The following EIF4G1 variants were observed in gnomAD, a reference collection of about 807,000 sequenced individuals.
The protein encoded by EIF4G1 is EIF4-gamma.
EIF4G1 carries 4 observed loss-of-function variants against 187.8 expected under a neutral mutation model. The observed-to-expected ratio is 0.02, with a 90% CI of 0.01 to 0.05. The LOEUF is 0.05. Ranked by LOEUF, EIF4G1 falls within the 10% of genes least tolerant of loss-of-function variation. The pLI, the probability that EIF4G1 is intolerant of heterozygous loss-of-function variation, is 1.00. For missense variants in EIF4G1, 1,647 were observed against 2,081.1 expected, an observed-to-expected ratio of 0.79 and a Z score of 4.06; for synonymous variants, 844 against 781.4, an observed-to-expected ratio of 1.08 and a Z score of -1.34.
intron 1 of EIF4G1, 143 bp from the exon 2 acceptor site, chr3:184,315,346 G>T: frequency 3.9e-6 from 2 of 519,032 alleles, no homozygotes; most frequent in Non-Finnish European, 7.7e-6. Context: ...GGTGTCCCCG[G>T]GTGGGGGGTG....
At chr3:184,330,945 G>A (rs907521189) in intron 28 of EIF4G1, among the ~76,000 whole-genome samples, 1 of 152,038 alleles carries the variant, frequency 6.6e-6, no homozygotes, top group Non-Finnish European at 1.5e-5. Context: ...TCACCATGTT[G>A]GTCAGGCTGG....
At chr3:184,324,782 A>G in intron 17 of EIF4G1, 96 bp from the exon 18 acceptor site, 4 of 1,361,956 alleles carry the variant, frequency 2.9e-6, no homozygotes, top group Non-Finnish European at 4.1e-6. Context: ...CTCAGGACTG[A>G]GTGCTTATTG....
At position 184,326,547 on chromosome 3, in the gene EIF4G1, C is replaced by T; in HGVS notation, c.3243C>T (p.Asn1081=). The change falls in exon 22 of 33, where the codon AAC becomes AAT. Residue 1081 remains asparagine, a synonymous_variant. Transcript: ENST00000346169. The part of the protein sequence containing the change: ...KITKPGSIDS[N]NQLFAPGGRL... ...TTCAGCCTGGCTCCATCGATTCTAACAACCAGCTCTTTGCACCTGGAGGGC... is the reference window on the plus strand; with the variant it reads ...TTCAGCCTGGCTCCATCGATTCTAATAACCAGCTCTTTGCACCTGGAGGGC... 6.2e-7 allele frequency: 1 copy of T among 1,613,882 alleles called. No homozygotes were observed. Among genetic ancestry groups the T allele is most frequent in the Non-Finnish European group, 8.5e-7 (1 of 1,180,042 alleles).
rs376246503 is a variant in EIF4G1 at position 184,320,624 on chromosome 3, C to T, written c.538-6C>T. 15 of 1,613,922 alleles carry T rather than the reference C, an allele frequency of 9.3e-6. No individual in the cohort carries two copies. The highest frequency in any genetic ancestry group is 1.3e-5 in the Non-Finnish European group (15 of 1,179,992). On this transcript the variant is annotated splice_polypyrimidine_tract_variant and splice_region_variant and intron_variant, in intron 7 of 32. Coordinates refer to ENST00000346169, the MANE Select transcript of EIF4G1 (RefSeq NM_198241.3). Reference sequence around the variant, plus strand: ...TCCCACTCATCTTATAGCTTTCTTTCCCCAGATCCGAATTCGAGATCCAAA... The same window carrying T: ...TCCCACTCATCTTATAGCTTTCTTTTCCCAGATCCGAATTCGAGATCCAAA...
In EIF4G1 at chr3:184,315,652, G is replaced by C. The variant is rs1722638759; in HGVS notation, c.-35+107G>C. 9.8e-6 allele frequency: 8 copies of C among 814,770 alleles called. No individual in the cohort carries two copies. The South Asian group carries it at 1.1e-4, about 12-fold the overall frequency. 50.5% of individuals were successfully genotyped at this position (814,770 alleles called of 1,614,324 possible). On this transcript the variant is annotated intron_variant, in intron 2 of 32. Transcript: ENST00000346169. ...GTATCTTTTCTGCTTCACCCTCTTG[G>C]CATCTCTGGGACTCCGTATGGGACC...
intron 32 of EIF4G1, 26 bp downstream of exon 32, chr3:184,332,112 G>A (rs746593221): frequency 5.3e-5 from 85 of 1,614,032 alleles, no homozygotes; most frequent in Non-Finnish European, 7.1e-5. Flanking sequence ...TGGGGACAGG[G>A]GTGGGGTGGA....
Position 184,327,838 on chromosome 3 carries a change from C to A in EIF4G1, c.3789C>A (p.Val1263=). 6.2e-7 allele frequency: 1 copy of A among 1,614,020 alleles called. No homozygotes were observed. The highest frequency in any genetic ancestry group is 8.5e-7 in the Non-Finnish European group (1 of 1,180,028). ...YLHLNDMKEA[V]QCVQELASPS... is the part of the protein sequence containing the mutation. ...TGCCCTGCACCCCTCAGGAGGCAGT[C>A]CAGTGCGTGCAGGAGCTGGCCTCAC... The change falls in exon 26 of 33, where the codon GTC becomes GTA. Residue 1263 remains valine, a synonymous_variant. Transcript: ENST00000346169.
intron 3 of EIF4G1, 102 bp from the exon 4 acceptor site, chr3:184,316,030 G>A: frequency 6.4e-7 from 1 of 1,560,032 alleles, no homozygotes; most frequent in Non-Finnish European, 8.7e-7. Context: ...TATGTGGATT[G>A]TTAAGGCTCT....
intron 17 of EIF4G1, 26 bp downstream of exon 17, chr3:184,324,373 C>T (rs563471543): frequency 3.7e-6 from 6 of 1,614,098 alleles, no homozygotes; most frequent in South Asian, 1.1e-5. Flanking sequence ...CTATCGATTC[C>T]ACTCACCACT....
At position 184,321,897 on chromosome 3, in the gene EIF4G1, C is replaced by T. The variant is rs1321594118; in HGVS notation, c.1313C>T (p.Pro438Leu). 6.2e-7 allele frequency: 1 copy of T among 1,614,196 alleles called. No individual in the cohort carries two copies. The highest frequency in any genetic ancestry group is 2.2e-5 in the East Asian group (1 of 44,874). ...VTASMAPPTIPSATPATAPSA... is the reference protein window; with the variant it reads ...VTASMAPPTILSATPATAPSA... ...GCATCAATGGCGCCCCCCACCATCC[C>T]CTCTGCTACTCCAGCTACGGCTCCT... Residue 438 changes from proline to leucine, a missense_variant, in exon 10 of 33, where the codon CCC becomes CTC. Physicochemically the swap from Pro to Leu is moderately conservative, Grantham distance 98. Transcript: ENST00000346169.
chr3:184,327,064 T>G (rs1725068743), intron 23 of EIF4G1, 81 bp downstream of exon 23: 2 of 1,590,774 alleles, frequency 1.3e-6, no homozygotes, highest in Non-Finnish European at 1.7e-6. Flanking sequence ...GTTGGAAATT[T>G]CTTCATACCT....
chr3:184,331,438 C>T, intron 29 of EIF4G1, 34 bp from the exon 30 acceptor site: 1 of 1,614,164 alleles, frequency 6.2e-7, no homozygotes, highest in Non-Finnish European at 8.5e-7. Context: ...TGTTGGCAAC[C>T]TTACCTCTTA....
At chr3:184,330,401 G>A (rs1267364312) in intron 28 of EIF4G1, among the ~76,000 whole-genome samples, 4 of 151,906 alleles carry the variant, frequency 2.6e-5, no homozygotes, top group Non-Finnish European at 5.9e-5. Flanking sequence ...GATATATATC[G>A]GCTGTAAGAC....
At position 184,317,311 on chromosome 3, in the gene EIF4G1, C is replaced by T; in HGVS notation, c.148-10C>T. 1 of 1,613,998 alleles carries T rather than the reference C, an allele frequency of 6.2e-7. No homozygotes were observed. The highest frequency in any genetic ancestry group is 8.5e-7 in the Non-Finnish European group (1 of 1,180,020). On this transcript the variant is annotated splice_polypyrimidine_tract_variant and intron_variant, in intron 4 of 32. Coordinates refer to ENST00000346169, the MANE Select transcript of EIF4G1 (RefSeq NM_198241.3). Reference sequence around the variant, plus strand: ...TTTACAATGCCAACTGCTTTCCTCCCTCCTGACAGCACTTCTACCCTAGCC... The same window carrying T: ...TTTACAATGCCAACTGCTTTCCTCCTTCCTGACAGCACTTCTACCCTAGCC...
At position 184,325,078 on chromosome 3, in the gene EIF4G1, C is replaced by T. The variant is rs749485171; in HGVS notation, c.2820C>T (p.Thr940=). ...ESLECLCRLL[T]TIGKDLDFEK... Reference sequence around the variant, plus strand: ...TTGAGTGCCTTTGTCGTCTGCTCACCACCATTGGCAAAGACCTGGACTTTG... The same window carrying T: ...TTGAGTGCCTTTGTCGTCTGCTCACTACCATTGGCAAAGACCTGGACTTTG... The change falls in exon 18 of 33, where the codon ACC becomes ACT. Residue 940 remains threonine, a synonymous_variant. Coordinates refer to ENST00000346169, the MANE Select transcript of EIF4G1 (RefSeq NM_198241.3). The surrounding 1 kb of genome is among the most constrained non-coding windows in gnomAD (Gnocchi z 5.2). 5.6e-6 allele frequency: 9 copies of T among 1,614,060 alleles called. No homozygotes were observed. In the East Asian group the frequency reaches 1.3e-4, roughly 24 times the overall value.
intron 9 of EIF4G1, 101 bp from the exon 10 acceptor site, chr3:184,321,181 C>G: frequency 1.3e-6 from 2 of 1,530,190 alleles, no homozygotes; most frequent in African/African-American, 1.4e-5. Flanking sequence ...GAAGATGATG[C>G]GGGGTTATTA....
chr3:184,321,335 G>C lies in EIF4G1; in HGVS notation c.751G>C (p.Glu251Gln). Residue 251 changes from glutamate (E) to glutamine (Q), a missense_variant, in exon 10 of 33, where the codon GAG (glutamate) becomes CAG (glutamine). Glu to Gln is a conservative substitution (Grantham distance 29). This residue lies in a region of EIF4G1 where 522 missense variants were observed against 485.2 expected (regional missense o/e 1.08). Transcript: ENST00000346169. ...IADRPGLPGP[E>Q]HSPSESQPSS... ...TGACCGGCCAGGGCTGCCTGGCCCA[G>C]AGCATAGCCCTTCAGAATCCCAGCC... is the stretch of plus-strand genomic sequence containing the variant. 6.2e-7 allele frequency: 1 copy of C among 1,614,114 alleles called. No homozygotes were observed. The highest frequency in any genetic ancestry group is 1.1e-5 in the South Asian group (1 of 91,078).
Position 184,323,464 on chromosome 3 carries a change from C to T in EIF4G1, c.2145C>T (p.Ile715=). 6.2e-7 allele frequency: 1 copy of T among 1,614,220 alleles called. No homozygotes were observed. Among genetic ancestry groups the T allele is most frequent in the Non-Finnish European group, 8.5e-7 (1 of 1,180,044 alleles). ...GACCCCGAAAAGAACCACGCAAGAT[C>T]ATTGCCACAGTGTTAATGACCGAAG... ...QQGPRKEPRK[I]IATVLMTEDI... is the part of the protein sequence containing the mutation. Residue 715 remains isoleucine, a synonymous_variant, in exon 15 of 33, where the codon ATC becomes ATT. Transcript: ENST00000346169. This position sits in a 1 kb window ranked among gnomAD's most constrained non-coding sequence, Gnocchi z 6.9.
intron 6 of EIF4G1, 34 bp downstream of exon 6, chr3:184,317,850 G>A: frequency 6.7e-7 from 1 of 1,486,182 alleles, no homozygotes; most frequent in Non-Finnish European, 9.4e-7. Flanking sequence ...GTGAGAACAA[G>A]CCCAAGGGAG....
Sources: gnomAD v4.1 joint callset for allele counts (sites outside exome capture counted in the v4.1 genomes callset) on GRCh38, gnomAD v4.1.1 for gene constraint, gnomAD v4.1.1 regional missense constraint, Gnocchi (gnomAD v3.1) non-coding constraint, MANE v1.5 for transcripts, NCBI Gene and HGNC (gene_info 2026-07-23, HGNC 2026-07-21) for gene names.